Variants in FHIT observed in about 807,000 individuals in gnomAD.
The protein encoded by FHIT is fragile histidine triad diadenosine triphosphatase.
Under a neutral mutation model 17.9 loss-of-function variants are expected in FHIT, and 19 were observed. The observed-to-expected ratio is 1.06, with a 90% CI of 0.74 to 1.56. The LOEUF is 1.56. FHIT is among the 40% of genes most tolerant of loss of function. The probability of loss-of-function intolerance (pLI) is 0.00; values close to 1 mark genes in which losing one functional copy is unlikely to be tolerated. For missense variants in FHIT, 248 were observed against 189.2 expected, an observed-to-expected ratio of 1.31 and a Z score of -1.82; for synonymous variants, 81 against 69.7, an observed-to-expected ratio of 1.16 and a Z score of -0.81.
intron 5 of FHIT, among the ~76,000 whole-genome samples, chr3:60,146,342 C>T (rs1700240366): frequency 1.3e-5 from 2 of 151,806 alleles, no homozygotes; most frequent in African/African-American, 4.8e-5. Context: ...AATTCCTGAA[C>T]ATTTAACAAT....
At chr3:60,059,292 G>A (rs969737413) in intron 5 of FHIT, among the ~76,000 whole-genome samples, 3 of 152,094 alleles carry the variant, frequency 2.0e-5, no homozygotes, top group Non-Finnish European at 4.4e-5. Context: ...GGTTTTCTGG[G>A]GCATTCCACT....
chr3:60,178,019 T>C (rs566023378), intron 5 of FHIT, among the ~76,000 whole-genome samples: 3 of 152,296 alleles, frequency 2.0e-5, no homozygotes, highest in Admixed American at 6.5e-5. Context: ...TGAGACAAGA[T>C]TGGTTTCATA....
At chr3:60,374,249 A>G (rs577451820) in intron 5 of FHIT, among the ~76,000 whole-genome samples, 1 of 152,286 alleles carries the variant, frequency 6.6e-6, no homozygotes, top group Non-Finnish European at 1.5e-5. Context: ...GATCATTTTA[A>G]AAGACCCACT....
intron 2 of FHIT, among the ~76,000 whole-genome samples, chr3:61,137,262 CTT>C (rs67142172): frequency 0.089 from 9,418 of 105,290 alleles, 347 homozygotes; most frequent in East Asian, 0.22. Context: ...AGGTTTCACT[CTT>C]TTTTTTTTTT....
At chr3:60,383,971 T>G (rs2107124044) in intron 5 of FHIT, among the ~76,000 whole-genome samples, 1 of 152,262 alleles carries the variant, frequency 6.6e-6, no homozygotes, top group East Asian at 1.9e-4. Flanking sequence ...AAAATCAGCT[T>G]AAATTTTTGG....
intron 5 of FHIT, among the ~76,000 whole-genome samples, chr3:60,059,826 T>G (rs1702229201): frequency 6.6e-6 from 1 of 152,192 alleles, no homozygotes; most frequent in African/African-American, 2.4e-5. Context: ...CCTTGTAGCT[T>G]TGCAATAAGT....
At chr3:60,673,464 A>C (rs556731102) in intron 4 of FHIT, among the ~76,000 whole-genome samples, 1 of 151,946 alleles carries the variant, frequency 6.6e-6, no homozygotes, top group Admixed American at 6.6e-5. Context: ...GAGCTGACCA[A>C]TGAGAACACA....
At chr3:60,192,485 G>C (rs1702448064) in intron 5 of FHIT, among the ~76,000 whole-genome samples, 1 of 152,082 alleles carries the variant, frequency 6.6e-6, no homozygotes, top group Admixed American at 6.6e-5. Context: ...TTTCCGTTCT[G>C]TGACTCTACC....
intron 5 of FHIT, among the ~76,000 whole-genome samples, chr3:60,471,006 G>A (rs1423468105): frequency 6.6e-6 from 1 of 152,152 alleles, no homozygotes; most frequent in Non-Finnish European, 1.5e-5. Flanking sequence ...GTTTAGAAAC[G>A]CTGTCTGGAA....
chr3:59,766,916 T>C (rs1343106216), intron 8 of FHIT, among the ~76,000 whole-genome samples: 2 of 152,218 alleles, frequency 1.3e-5, no homozygotes, highest in African/African-American at 4.8e-5. Context: ...GAGTAAAGCC[T>C]AGTAGCCAAT....
At chr3:60,961,626 C>A (rs557208930) in intron 3 of FHIT, among the ~76,000 whole-genome samples, 25 of 152,280 alleles carry the variant, frequency 1.6e-4, no homozygotes, top group Admixed American at 4.6e-4. Flanking sequence ...GGAAGGGATC[C>A]AGTTTCAGCT....
intron 5 of FHIT, among the ~76,000 whole-genome samples, chr3:60,030,437 C>A (rs1340288824): frequency 2.0e-5 from 3 of 152,158 alleles, no homozygotes; most frequent in Non-Finnish European, 4.4e-5. Flanking sequence ...CAAAGACCAG[C>A]ATATGGAGCC....
intron 5 of FHIT, among the ~76,000 whole-genome samples, chr3:60,491,734 T>C (rs141909071): frequency 0.019 from 2,862 of 152,284 alleles, 50 homozygotes; most frequent in South Asian, 0.05. Flanking sequence ...TTTATAACCA[T>C]CAGCTAGTGA....
chr3:60,174,094 A>T (rs967884003), intron 5 of FHIT, among the ~76,000 whole-genome samples: 17 of 150,368 alleles, frequency 1.1e-4, no homozygotes, highest in African/African-American at 4.2e-4. Flanking sequence ...TTGTATTTTT[A>T]GTAGAGACAG....
intron 7 of FHIT, among the ~76,000 whole-genome samples, chr3:59,929,368 T>G (rs893967567): frequency 3.8e-5 from 5 of 131,690 alleles, no homozygotes; most frequent in Middle Eastern, 3.6e-3. Flanking sequence ...TTTTGGTTTT[T>G]TTTTTTTTTT....
chr3:60,770,562 G>A (rs572756801), intron 4 of FHIT, among the ~76,000 whole-genome samples: 64 of 152,208 alleles, frequency 4.2e-4, no homozygotes, highest in African/African-American at 1.5e-3. Context: ...TCCAGTATAG[G>A]CAGTGAGAAA....
intron 5 of FHIT, among the ~76,000 whole-genome samples, chr3:60,298,068 G>A (rs1270803178): frequency 6.6e-6 from 1 of 152,072 alleles, no homozygotes; most frequent in Non-Finnish European, 1.5e-5. Flanking sequence ...TATGTGGGAA[G>A]GAGTGTAGAC....
intron 8 of FHIT, among the ~76,000 whole-genome samples, chr3:59,806,332 G>A (rs552830958): frequency 6.6e-6 from 1 of 152,206 alleles, no homozygotes; most frequent in East Asian, 1.9e-4. Flanking sequence ...TTTGTAATAA[G>A]GTAACTGAGG....
At chr3:60,998,842 TAGACTTATTTAAGTTTTTTC>T in intron 3 of FHIT, among the ~76,000 whole-genome samples, 1 of 151,952 alleles carries the variant, frequency 6.6e-6, no homozygotes, top group Non-Finnish European at 1.5e-5. Context: ...AAAGAGAAGG[TAGACTTATTTAAGTTTTTTC>T]ATGGTTCACC....
Sources: allele counts gnomAD v4.1 joint callset (sites outside exome capture counted in the v4.1 genomes callset), GRCh38; gene constraint gnomAD v4.1.1; transcripts MANE v1.5; gene names NCBI Gene and HGNC (gene_info 2026-07-23, HGNC 2026-07-21).